Variants in EXT2 observed in about 807,000 individuals in gnomAD.
The protein encoded by EXT2 is exostosin glycosyltransferase 2.
Under a neutral mutation model 81.6 loss-of-function variants are expected in EXT2, and 53 were observed. That is an observed-to-expected ratio of 0.65 (90% confidence interval 0.52 to 0.82). The LOEUF is 0.82. EXT2 is among the 40% of genes least tolerant of loss of function. The pLI, the probability that EXT2 is intolerant of heterozygous loss-of-function variation, is 0.00. For synonymous variants in EXT2, 320 were observed against 340.0 expected, an observed-to-expected ratio of 0.94 and a Z score of 0.65; for missense variants, 774 against 910.2, an observed-to-expected ratio of 0.85 and a Z score of 1.93.
At chr11:44,142,991 G>A (rs1014210341) in intron 7 of EXT2, among the ~76,000 whole-genome samples, 3 of 152,066 alleles carry the variant, frequency 2.0e-5, no homozygotes, top group Non-Finnish European at 2.9e-5. Context: ...TTACTCTGTC[G>A]CCTAGGCTGG....
At position 44,234,243 on chromosome 11, in the gene EXT2, G is replaced by A. The variant is rs752606551; in HGVS notation, c.1935G>A (p.Lys645=). ...ACGTCACGGGAAAAGCAGTTATCAA[G>A]GTAGGAGGCTCTGCCACTCACTTGC... ...VANVTGKAVI[K]VTPRKKFKCP... The change falls in exon 12 of 14, where the codon AAG becomes AAA. Residue 645 remains lysine (K), a splice_region_variant and synonymous_variant. Transcript: ENST00000533608. The A allele has an allele frequency of 2.2e-5, 35 of 1,613,870 alleles. No homozygotes were observed. The highest frequency in any genetic ancestry group is 2.8e-5 in the Non-Finnish European group (33 of 1,179,886).
At chr11:44,191,190 A>G (rs1955387024) in intron 8 of EXT2, among the ~76,000 whole-genome samples, 2 of 152,226 alleles carry the variant, frequency 1.3e-5, no homozygotes. Flanking sequence ...CTTTTATGCA[A>G]TTGCAATTTA....
At chr11:44,187,213 A>C (rs901166752) in intron 8 of EXT2, among the ~76,000 whole-genome samples, 1 of 151,882 alleles carries the variant, frequency 6.6e-6, no homozygotes, top group Non-Finnish European at 1.5e-5. Flanking sequence ...CTTTTAAAAA[A>C]TCTTATTTTT....
In EXT2 at chr11:44,108,375, A is replaced by G. The variant is rs960719590; in HGVS notation, c.536+127A>G. On this transcript the variant is annotated intron_variant, in intron 2 of 13. Transcript: ENST00000533608. ...TTTCCCGATGCTGTCTTCTTGCAGG[A>G]CGGGGTGTGTTGGAGGGACTGACTT... 136 of 1,044,216 alleles carry G rather than the reference A, an allele frequency of 1.3e-4. No individual in the cohort carries two copies. In the Admixed American group the frequency reaches 2.6e-3, roughly 20 times the overall value. 64.7% of individuals were successfully genotyped at this position (1,044,216 alleles called of 1,614,324 possible).
At chr11:44,133,407 A>G (rs1477087611) in intron 7 of EXT2, among the ~76,000 whole-genome samples, 2 of 152,198 alleles carry the variant, frequency 1.3e-5, no homozygotes, top group Non-Finnish European at 2.9e-5. Context: ...CTATTGTATC[A>G]GTAGTTGATA....
intron 8 of EXT2, among the ~76,000 whole-genome samples, chr11:44,191,812 GCTGCCTTT>G (rs1343220517): frequency 5.9e-5 from 9 of 152,248 alleles, no homozygotes; most frequent in Non-Finnish European, 1.0e-4. Flanking sequence ...CCCAATTAAA[GCTGCCTTT>G]CTCCACGCTG....
In EXT2 at chr11:44,173,687, G is replaced by T. The variant is rs560769749; in HGVS notation, c.1305+1945G>T. Among the ~76,000 whole-genome samples the T allele has an allele frequency of 3.5e-4, 52 of 149,140 alleles. No homozygotes were observed. In the South Asian group the frequency reaches 9.7e-3, roughly 28 times the overall value. On this transcript the variant is annotated intron_variant, in intron 8 of 13. Transcript: ENST00000533608. ...GGGTTCACACCATTCTCCTGCCTCAGCCTCCCGAGTAGCTGGGACTACAGG... is the reference window on the plus strand; with the variant it reads ...GGGTTCACACCATTCTCCTGCCTCATCCTCCCGAGTAGCTGGGACTACAGG...
At chr11:44,161,655 AGT>A (rs1307047522) in intron 7 of EXT2, among the ~76,000 whole-genome samples, 7 of 152,224 alleles carry the variant, frequency 4.6e-5, no homozygotes, top group Non-Finnish European at 7.3e-5. Context: ...GACTGAACAT[AGT>A]GACTTGCTTC....
intron 7 of EXT2, among the ~76,000 whole-genome samples, chr11:44,157,728 A>C (rs1162414527): frequency 6.6e-6 from 1 of 152,144 alleles, no homozygotes; most frequent in Admixed American, 6.5e-5. Context: ...TGCTATGGCC[A>C]AGCTGGTCCC....
chr11:44,216,254 A>C (rs1278200200), intron 10 of EXT2, among the ~76,000 whole-genome samples: 1 of 152,236 alleles, frequency 6.6e-6, no homozygotes, highest in African/African-American at 2.4e-5. Flanking sequence ...GCTTGGATGC[A>C]GAAGAATAGA....
rs530894578 is a variant in EXT2 at position 44,221,909 on chromosome 11, A to G, written c.1663-10444A>G. ...CATAGTGATTCCACATTTGGGGAGAATAAAGAGAAAGAAAACTTGAAGGAT... is the reference window on the plus strand; with the variant it reads ...CATAGTGATTCCACATTTGGGGAGAGTAAAGAGAAAGAAAACTTGAAGGAT... On this transcript the variant is annotated intron_variant, in intron 10 of 13. Coordinates refer to ENST00000533608, the MANE Select transcript of EXT2 (RefSeq NM_207122.2). Among the ~76,000 whole-genome samples, 7 of 152,352 alleles carry G rather than the reference A, an allele frequency of 4.6e-5. No individual in the cohort carries two copies. The South Asian group carries it at 1.4e-3, about 32-fold the overall frequency.
chr11:44,237,017 T>C (rs1277643595), intron 13 of EXT2, among the ~76,000 whole-genome samples: 1 of 152,214 alleles, frequency 6.6e-6, no homozygotes, highest in Non-Finnish European at 1.5e-5. Flanking sequence ...GAGTTCTCAC[T>C]TGTGCCCCAA....
At chr11:44,232,121 T>G (rs1955906374) in intron 10 of EXT2, among the ~76,000 whole-genome samples, 1 of 152,158 alleles carries the variant, frequency 6.6e-6, no homozygotes, top group South Asian at 2.1e-4. Flanking sequence ...TTAATTGAAA[T>G]TCCCAAGCAT....
intron 4 of EXT2, among the ~76,000 whole-genome samples, chr11:44,118,830 T>G (rs1241202965): frequency 1.3e-5 from 2 of 152,058 alleles, no homozygotes; most frequent in East Asian, 3.9e-4. Context: ...TTTGGCATAT[T>G]TATGTAGCAC....
At chr11:44,146,608 G>C (rs1031435376) in intron 7 of EXT2, among the ~76,000 whole-genome samples, 1 of 152,160 alleles carries the variant, frequency 6.6e-6, no homozygotes, top group Non-Finnish European at 1.5e-5. Flanking sequence ...GAATTTGTGA[G>C]GCGACTCTGC....
chr11:44,105,065 A>G (rs1162177269), intron 1 of EXT2, among the ~76,000 whole-genome samples: 1 of 152,106 alleles, frequency 6.6e-6, no homozygotes, highest in Non-Finnish European at 1.5e-5. Flanking sequence ...AGCATATTTT[A>G]CCCCCAAAAC....
At chr11:44,167,098 A>G (rs775671404) in intron 7 of EXT2, among the ~76,000 whole-genome samples, 5 of 152,164 alleles carry the variant, frequency 3.3e-5, no homozygotes, top group Non-Finnish European at 7.3e-5. Context: ...CCAATTCTCT[A>G]TCCAAGAGTA....
At chr11:44,119,832 G>A (rs1183589776) in intron 4 of EXT2, among the ~76,000 whole-genome samples, 1 of 152,222 alleles carries the variant, frequency 6.6e-6, no homozygotes, top group Non-Finnish European at 1.5e-5. Flanking sequence ...GCAGCGCTGG[G>A]GTTGAGAAAC....
Position 44,248,529 on chromosome 11 carries a change from A to G in EXT2, c.*4242A>G, listed in dbSNP as rs117871135. On this transcript the variant is annotated 3_prime_UTR_variant, in exon 14 of 14. Transcript: ENST00000533608. ...ATCAAGGGCAGCATTTGGTCCCATT[A>G]TACCAGCCATGCATCATCTGTGAAC... Among the ~76,000 whole-genome samples the G allele has an allele frequency of 1.4e-4, 22 of 152,330 alleles. No homozygotes were observed. The East Asian group carries it at 4.1e-3, about 28-fold the overall frequency.
Sources: gnomAD v4.1 joint callset for allele counts (sites outside exome capture counted in the v4.1 genomes callset) on GRCh38, gnomAD v4.1.1 for gene constraint, MANE v1.5 for transcripts, NCBI Gene and HGNC (gene_info 2026-07-23, HGNC 2026-07-21) for gene names.